ANKRD50: variants seen among roughly 807,000 people sequenced by gnomAD.
ANKRD50 encodes ankyrin repeat domain-containing protein 50.
A neutral mutation model predicts 112.0 loss-of-function variants in ANKRD50; 40 were observed. The ratio of observed to expected loss-of-function variants is 0.36; its 90% CI spans 0.28 to 0.46. The LOEUF is 0.46. ANKRD50 is among the 20% of genes least tolerant of loss of function. The pLI is 1.00. For missense variants in ANKRD50, 1,487 were observed against 1,701.7 expected (o/e 0.87, Z 2.22); for synonymous variants, 613 against 619.1 (o/e 0.99, Z 0.15).
intron 2 of ANKRD50, among the ~76,000 whole-genome samples, chr4:124,689,404 G>A (rs1457077708): frequency 6.6e-6 from 1 of 152,134 alleles, no homozygotes; most frequent in East Asian, 1.9e-4. Context: ...TGGGTGACAG[G>A]GTGCCCAGAC....
chr4:124,665,673 A>C lies in ANKRD50; in HGVS notation c.*1845T>G, dbSNP rs35463553. ...GCAAGAGTCCCATTAATTTTATTTA[A>C]TAAATGTCCCATAGGGACAAGAATT... On this transcript the variant is annotated 3_prime_UTR_variant, in exon 5 of 5. Coordinates refer to ENST00000504087, the MANE Select transcript of ANKRD50 (RefSeq NM_020337.3). 0.18 allele frequency: 27,741 copies of C among 152,294 alleles called. 2,620 individuals carry two copies. The highest frequency in any genetic ancestry group is 0.24 in the South Asian group (1,146 of 4,824). The allele number at this position is 152,294 out of a possible 1,614,324, so 9.4% of individuals were successfully genotyped here.
intron 2 of ANKRD50, among the ~76,000 whole-genome samples, chr4:124,701,154 G>C (rs940269041): frequency 2.0e-5 from 3 of 152,090 alleles, no homozygotes; most frequent in Admixed American, 2.0e-4. Context: ...GTAGAGACAG[G>C]GTTTCTCCAT....
intron 2 of ANKRD50, among the ~76,000 whole-genome samples, chr4:124,703,546 G>C (rs924790630): frequency 6.6e-6 from 1 of 152,152 alleles, no homozygotes; most frequent in African/African-American, 2.4e-5. Flanking sequence ...TAGAATAATA[G>C]AGCATGGTGA....
At position 124,670,493 on chromosome 4, in the gene ANKRD50, A is replaced by C. The variant is rs1209833161; in HGVS notation, c.2784T>G (p.Ile928Met). 2 of 1,613,704 alleles carry C rather than the reference A, an allele frequency of 1.2e-6. No homozygotes were observed. The highest frequency in any genetic ancestry group is 1.7e-6 in the Non-Finnish European group (2 of 1,179,902). Residue 928 changes from isoleucine to methionine, a missense_variant, in exon 4 of 5, where the codon ATT becomes ATG. Physicochemically the swap from Ile to Met is conservative, Grantham distance 10. Around this residue, in one of 2 missense-constraint regions of ANKRD50, gnomAD observed 1,046 missense variants for 1,269.5 expected, o/e 0.82. Coordinates refer to ENST00000504087, the MANE Select transcript of ANKRD50 (RefSeq NM_020337.3). ...RVAALEGHRD[I>M]VELLFSHGAD... ...CACCATGGCTAAAAAGCAATTCAAC[A>C]ATGTCCCTGTGCCCTTCTAATGCAG...
chr4:124,683,258 G>T (rs919515232), intron 2 of ANKRD50, among the ~76,000 whole-genome samples: 8 of 150,916 alleles, frequency 5.3e-5, no homozygotes, highest in Non-Finnish European at 1.2e-4. Context: ...GTGAAAAATG[G>T]CATCCTCATT....
chr4:124,711,490 C>A (rs1725630216), intron 1 of ANKRD50, among the ~76,000 whole-genome samples: 1 of 152,178 alleles, frequency 6.6e-6, no homozygotes, highest in South Asian at 2.1e-4. Flanking sequence ...CAAACAGCCA[C>A]ATTTTAATCA....
At chr4:124,700,984 G>A (rs1725376394) in intron 2 of ANKRD50, among the ~76,000 whole-genome samples, 1 of 152,200 alleles carries the variant, frequency 6.6e-6, no homozygotes, top group African/African-American at 2.4e-5. Flanking sequence ...GTGTGTTTGA[G>A]ATGGAGTTTT....
At chr4:124,668,694 C>T (rs1730553621) in intron 4 of ANKRD50, among the ~76,000 whole-genome samples, 1 of 151,950 alleles carries the variant, frequency 6.6e-6, no homozygotes, top group South Asian at 2.1e-4. Context: ...AGATAGAAAA[C>T]CCTACCCTCA....
intron 2 of ANKRD50, among the ~76,000 whole-genome samples, chr4:124,704,827 GC>G (rs1272916109): frequency 6.6e-6 from 1 of 152,226 alleles, no homozygotes; most frequent in African/African-American, 2.4e-5. Flanking sequence ...GGGCGCAGTG[GC>G]TCACGCCTGT....
At chr4:124,668,874 T>C in intron 4 of ANKRD50, 110 bp downstream of exon 4, 1 of 1,011,016 alleles carries the variant, frequency 9.9e-7, no homozygotes, top group Non-Finnish European at 1.4e-6. Context: ...CCAGATGACA[T>C]CTGAGTAGAG....
At chr4:124,667,709 T>C (rs1163746618) in intron 4 of ANKRD50, among the ~76,000 whole-genome samples, 195 bp from the exon 5 acceptor site, 1 of 152,012 alleles carries the variant, frequency 6.6e-6, no homozygotes, top group Non-Finnish European at 1.5e-5. Context: ...ACCTTAATTC[T>C]GGTGTTTCAT....
At chr4:124,676,868 A>G (rs1730785527) in intron 3 of ANKRD50, among the ~76,000 whole-genome samples, 1 of 151,718 alleles carries the variant, frequency 6.6e-6, no homozygotes, top group Non-Finnish European at 1.5e-5. Flanking sequence ...AAGGTCAGAT[A>G]GCAGAATTTC....
chr4:124,705,097 AAAAC>A (rs562473438), intron 2 of ANKRD50, among the ~76,000 whole-genome samples: 15 of 145,202 alleles, frequency 1.0e-4, no homozygotes, highest in Admixed American at 8.2e-4. Context: ...CCATCTCAAA[AAAAC>A]AAACAAACAA....
In ANKRD50 at chr4:124,669,072, G is replaced by C. The variant is rs776809046; in HGVS notation, c.4205C>G (p.Thr1402Arg). 1.2e-6 allele frequency: 2 copies of C among 1,613,348 alleles called. No homozygotes were observed. Among genetic ancestry groups the C allele is most frequent in the African/African-American group, 2.7e-5 (2 of 74,854 alleles). ...EVLEGYPSSE[T>R]ELSLKQALKL... The stretch of plus-strand genomic sequence containing the variant: ...CAGAGCTTGTTTAAGGCTTAATTCT[G>C]TCTCTGAGGAAGGGTATCCCTCCAA... The change falls in exon 4 of 5, where the codon ACA (threonine) becomes AGA (arginine). Residue 1402 changes from threonine (T) to arginine (R), a missense_variant. By Grantham distance (71) the Thr-to-Arg change is moderately conservative. Transcript: ENST00000504087.
At chr4:124,668,642 G>A (rs919886776) in intron 4 of ANKRD50, among the ~76,000 whole-genome samples, 3 of 151,940 alleles carry the variant, frequency 2.0e-5, no homozygotes, top group Non-Finnish European at 1.5e-5. Context: ...AACTACCATA[G>A]GTCCAAGCAC....
chr4:124,693,641 G>A (rs748378067), intron 2 of ANKRD50, among the ~76,000 whole-genome samples: 1 of 151,958 alleles, frequency 6.6e-6, no homozygotes, highest in Non-Finnish European at 1.5e-5. Flanking sequence ...GTTTTCAATT[G>A]TCCGTATCTG....
chr4:124,679,819 T>C (rs928425068), intron 2 of ANKRD50, among the ~76,000 whole-genome samples: 1 of 152,202 alleles, frequency 6.6e-6, no homozygotes, highest in Admixed American at 6.6e-5. Context: ...ATCATCACTG[T>C]AGGCCAACCT....
At chr4:124,678,978 A>G (rs1168908069) in intron 2 of ANKRD50, 73 bp from the exon 3 acceptor site, 1 of 1,089,952 alleles carries the variant, frequency 9.2e-7, no homozygotes, top group Non-Finnish European at 1.3e-6. Context: ...TTCAAACATT[A>G]GAGTATTAAT....
rs1400052713 is a variant in ANKRD50, at chr4:124,666,045, C to T, written c.*1473G>A. On this transcript the variant is annotated 3_prime_UTR_variant, in exon 5 of 5. Transcript: ENST00000504087. ...CTCCAAATTCTCTTTCCTCATTCCT[C>T]ATCAACAGTACATGAAAAGAACAGA... 2.6e-5 allele frequency: 4 copies of T among 151,950 alleles called. No homozygotes were observed. The highest frequency in any genetic ancestry group is 4.8e-5 in the African/African-American group (2 of 41,410). 9.4% of individuals were successfully genotyped at this position (151,950 alleles called of 1,614,324 possible).
Sources: gnomAD v4.1 joint callset for allele counts (sites outside exome capture counted in the v4.1 genomes callset) on GRCh38, gnomAD v4.1.1 for gene constraint, gnomAD v4.1.1 regional missense constraint, MANE v1.5 for transcripts, NCBI Gene and HGNC (gene_info 2026-07-23, HGNC 2026-07-21) for gene names.